FAM228B: variants seen among roughly 807,000 people sequenced by gnomAD.
FAM228B encodes the protein protein FAM228B.
Under a neutral mutation model 42.6 loss-of-function variants are expected in FAM228B, and 38 were observed. The observed-to-expected ratio is 0.89, with a 90% CI of 0.69 to 1.17. FAM228B has a LOEUF of 1.17. Among genes scored for constraint, FAM228B ranks in the 50% most tolerant of loss-of-function variants. FAM228B has a pLI of 0.00. For missense variants in FAM228B, 344 were observed against 367.3 expected (o/e 0.94, Z 0.52); for synonymous variants, 109 against 122.3 (o/e 0.89, Z 0.72).
Position 24,169,609 on chromosome 2 carries a change from G to A in FAM228B, c.*268G>A, listed in dbSNP as rs1667521494. On this transcript the variant is annotated 3_prime_UTR_variant, in exon 11 of 11. Coordinates refer to ENST00000615575, the MANE Select transcript of FAM228B (RefSeq NM_001145710.2). The surrounding 1 kb of genome is among the most constrained non-coding windows in gnomAD (Gnocchi z 4.2). ...CAGAAGTTAAGAAATATTGCTGAAC[G>A]AACCAATAAAAATAATTACAGCTCC... The A allele has an allele frequency of 7.5e-6, 2 of 266,646 alleles. No homozygotes were observed. Among genetic ancestry groups the A allele is most frequent in the Non-Finnish European group, 1.6e-5 (2 of 122,920 alleles). The allele number at this position is 266,646 out of a possible 1,614,324, so 16.5% of individuals were successfully genotyped here.
chr2:24,136,293 C>G (rs1425357213), intron 3 of FAM228B, among the ~76,000 whole-genome samples: 1 of 151,886 alleles, frequency 6.6e-6, no homozygotes, highest in Admixed American at 6.6e-5. Context: ...ATGGTATGAT[C>G]TCGGCTCACT....
At chr2:24,140,315 T>C (rs773641643) in intron 5 of FAM228B, among the ~76,000 whole-genome samples, 3 of 152,176 alleles carry the variant, frequency 2.0e-5, no homozygotes, top group Admixed American at 1.3e-4. Context: ...TAGCTGTGAT[T>C]ACAGGCGTGT....
chr2:24,087,758 G>T (rs1253058539), intron 2 of FAM228B, among the ~76,000 whole-genome samples: 4 of 150,904 alleles, frequency 2.7e-5, no homozygotes, highest in African/African-American at 9.8e-5. Context: ...CTACAGGTGT[G>T]AGCCACCACA....
At chr2:24,089,462 T>C (rs918497543) in intron 2 of FAM228B, among the ~76,000 whole-genome samples, 3 of 152,236 alleles carry the variant, frequency 2.0e-5, no homozygotes, top group African/African-American at 4.8e-5. Context: ...TACTCCATTC[T>C]ACCCAATGGG....
Position 24,124,434 on chromosome 2 carries a change from G to A in FAM228B, c.73G>A (p.Glu25Lys). 6.4e-7 allele frequency: 1 copy of A among 1,551,714 alleles called. No individual in the cohort carries two copies. The highest frequency in any genetic ancestry group is 8.7e-7 in the Non-Finnish European group (1 of 1,146,916). ...PKLKSSKEWL[E>K]PKPLCFMEVL... Reference sequence around the variant, plus strand: ...GCTCAAGAGCTCAAAAGAATGGTTGGAGCCCAAGCCCCTTTGTTTTATGGA... The same window carrying A: ...GCTCAAGAGCTCAAAAGAATGGTTGAAGCCCAAGCCCCTTTGTTTTATGGA... Residue 25 changes from glutamate (E) to lysine (K), a missense_variant, in exon 2 of 11, where the codon GAG becomes AAG. Coordinates refer to ENST00000615575, the MANE Select transcript of FAM228B (RefSeq NM_001145710.2).
intron 3 of FAM228B, among the ~76,000 whole-genome samples, chr2:24,111,881 C>T (rs143973530): frequency 3.7e-4 from 57 of 152,204 alleles, no homozygotes; most frequent in African/African-American, 1.4e-3. Context: ...CCCTCAACTG[C>T]ATGTTACAAG....
At position 24,138,114 on chromosome 2, in the gene FAM228B, A is replaced by G; in HGVS notation, c.360+14A>G. 1 of 1,506,910 alleles carries G rather than the reference A, an allele frequency of 6.6e-7. No homozygotes were observed. Among genetic ancestry groups the G allele is most frequent in the Non-Finnish European group, 8.9e-7 (1 of 1,129,040 alleles). 93.3% of individuals were successfully genotyped at this position (1,506,910 alleles called of 1,614,324 possible). ...GTAAATAAAAAGGTACTAAGAGATCATTTGATGCTTTTTTCAGTTGATTTA... is the reference window on the plus strand; with the variant it reads ...GTAAATAAAAAGGTACTAAGAGATCGTTTGATGCTTTTTTCAGTTGATTTA... On this transcript the variant is annotated intron_variant, in intron 4 of 10. Transcript: ENST00000615575.
intron 3 of FAM228B, among the ~76,000 whole-genome samples, chr2:24,106,153 C>T (rs1464540564): frequency 6.6e-6 from 1 of 152,116 alleles, no homozygotes; most frequent in Middle Eastern, 3.4e-3. Flanking sequence ...CCCCAAGACA[C>T]ATAATCGTCA....
intron 3 of FAM228B, among the ~76,000 whole-genome samples, chr2:24,113,598 C>T (rs1017778718): frequency 2.6e-5 from 4 of 151,960 alleles, no homozygotes; most frequent in Middle Eastern, 6.8e-3. Context: ...AAAAACAGGC[C>T]GGGCACAGTG....
intron 9 of FAM228B, chr2:24,166,053 A>AGT (rs60199313): frequency 9.5e-6 from 1 of 104,752 alleles, no homozygotes; most frequent in Non-Finnish European, 2.0e-5. Flanking sequence ...AAAAAAAAAA[A>AGT]AATATATATA....
chr2:24,094,557 T>A (rs1665459270), intron 2 of FAM228B, among the ~76,000 whole-genome samples: 1 of 152,146 alleles, frequency 6.6e-6, no homozygotes, highest in Admixed American at 6.5e-5. Context: ...TGATCATAAC[T>A]CACTGTAACC....
chr2:24,078,387 A>G (rs562685437), intron 1 of FAM228B, among the ~76,000 whole-genome samples: 21 of 151,360 alleles, frequency 1.4e-4, no homozygotes, highest in African/African-American at 5.1e-4. Context: ...AATACAAGCC[A>G]GGCATGGTGG....
intron 3 of FAM228B, among the ~76,000 whole-genome samples, chr2:24,135,629 T>C (rs1002047245): frequency 1.3e-5 from 2 of 152,216 alleles, no homozygotes; most frequent in African/African-American, 2.4e-5. Context: ...AACCTGTTTT[T>C]ATTTTTAAGA....
At chr2:24,129,791 A>T (rs1666409044) in intron 2 of FAM228B, among the ~76,000 whole-genome samples, 1 of 152,076 alleles carries the variant, frequency 6.6e-6, no homozygotes, top group South Asian at 2.1e-4. Context: ...TTTCATGTCA[A>T]TATAATTTTC....
Position 24,077,201 on chromosome 2 carries a change from G to A in FAM228B, c.-290+232G>A, listed in dbSNP as rs1664787297. Among the ~76,000 whole-genome samples, 1 of 152,090 alleles carries A rather than the reference G, an allele frequency of 6.6e-6. No individual in the cohort carries two copies. On this transcript the variant is annotated intron_variant, in intron 1 of 10. Transcript: ENST00000613899. This position sits in a 1 kb window ranked among gnomAD's most constrained non-coding sequence, Gnocchi z 5.5. ...GGTGCCCACTGGTTGCGGGGCGCGC[G>A]GGCAGGTGCCGGAGGTGGTGGGCCT... is the stretch of plus-strand genomic sequence containing the variant.
chr2:24,102,473 C>T (rs577472834), intron 3 of FAM228B, among the ~76,000 whole-genome samples: 2 of 152,306 alleles, frequency 1.3e-5, no homozygotes, highest in South Asian at 2.1e-4. Context: ...AGTGGTGGCT[C>T]ACGCCTGTAA....
At chr2:24,146,284 G>T (rs1231231564) in intron 5 of FAM228B, among the ~76,000 whole-genome samples, 1 of 152,032 alleles carries the variant, frequency 6.6e-6, no homozygotes, top group African/African-American at 2.4e-5. Context: ...TGATAATATT[G>T]GCCATTAACA....
At chr2:24,092,124 T>C (rs1665403683) in intron 2 of FAM228B, among the ~76,000 whole-genome samples, 1 of 138,772 alleles carries the variant, frequency 7.2e-6, no homozygotes, top group Non-Finnish European at 1.5e-5. Context: ...CTTGGGAGGC[T>C]GGGAGATGGA....
At chr2:24,083,089 G>T in intron 2 of FAM228B, 1 of 1,614,146 alleles carries the variant, frequency 6.2e-7, no homozygotes, top group Non-Finnish European at 8.5e-7. Context: ...TCTGCCACAT[G>T]TCCAGATGCC....
Sources: allele counts gnomAD v4.1 joint callset (sites outside exome capture counted in the v4.1 genomes callset), GRCh38; gene constraint gnomAD v4.1.1; non-coding constraint Gnocchi (gnomAD v3.1); transcripts MANE v1.5; gene names NCBI Gene and HGNC (gene_info 2026-07-23, HGNC 2026-07-21).